Variants in APCDD1L observed in about 807,000 individuals in gnomAD.
APCDD1L encodes the protein protein APCDD1-like.
Under a neutral mutation model 24.2 loss-of-function variants are expected in APCDD1L, and 21 were observed. The observed-to-expected ratio is 0.87, with a 90% confidence interval of 0.61 to 1.25. The LOEUF is 1.25. APCDD1L is among the 50% of genes most tolerant of loss of function. The pLI, the probability that APCDD1L is intolerant of heterozygous loss-of-function variation, is 0.00. For synonymous variants in APCDD1L, 321 were observed against 323.6 expected (o/e 0.99, Z 0.09); for missense variants, 704 against 711.7 (o/e 0.99, Z 0.12).
Position 58,460,997 on chromosome 20 carries a change from G to T in APCDD1L, c.1299C>A (p.Thr433=). 1.2e-6 allele frequency: 2 copies of T among 1,614,130 alleles called. No individual in the cohort carries two copies. Among genetic ancestry groups the T allele is most frequent in the East Asian group, 2.2e-5 (1 of 44,868 alleles). Residue 433 remains threonine (T), a synonymous_variant, in exon 4 of 4, where the codon ACC becomes ACA. Coordinates refer to ENST00000371149, the MANE Select transcript of APCDD1L (RefSeq NM_153360.3). This position sits in a 1 kb window ranked among gnomAD's most constrained non-coding sequence, Gnocchi z 4.2. Reference sequence around the variant, plus strand: ...CTGGGGTATCGGGACTTGAGCCATCGGTGGGCCTTTGTCCGATGAAGAGCA... The same window carrying T: ...CTGGGGTATCGGGACTTGAGCCATCTGTGGGCCTTTGTCCGATGAAGAGCA... ...QSLLFIGQRP[T]DGSSPDTPEK...
At chr20:58,474,550 A>C (rs1989871524) in intron 1 of APCDD1L, among the ~76,000 whole-genome samples, 1 of 152,110 alleles carries the variant, frequency 6.6e-6, no homozygotes, top group Non-Finnish European at 1.5e-5. Flanking sequence ...CTAAAAGTAC[A>C]AAAACTAGCT....
chr20:58,484,393 A>C (rs1481470169), intron 1 of APCDD1L, among the ~76,000 whole-genome samples: 1 of 152,346 alleles, frequency 6.6e-6, no homozygotes, highest in South Asian at 2.1e-4. Flanking sequence ...GTCCCCTCTG[A>C]ACTTCCATCT....
intron 1 of APCDD1L, among the ~76,000 whole-genome samples, chr20:58,509,316 T>A (rs1249394426): frequency 6.6e-6 from 1 of 152,126 alleles, no homozygotes; most frequent in Non-Finnish European, 1.5e-5. Flanking sequence ...CCTTCTCGTT[T>A]CCCTGATGAT....
intron 1 of APCDD1L, among the ~76,000 whole-genome samples, chr20:58,505,223 A>AATTATT (rs1287978744): frequency 2.0e-5 from 3 of 151,992 alleles, no homozygotes; most frequent in Admixed American, 6.6e-5. Context: ...GTTTTTTACA[A>AATTATT]ATTATTATTA....
chr20:58,495,783 C>G (rs1990310153), intron 1 of APCDD1L, among the ~76,000 whole-genome samples: 1 of 152,178 alleles, frequency 6.6e-6, no homozygotes, highest in African/African-American at 2.4e-5. Context: ...AACACAGAAC[C>G]AGAAACCTGT....
intron 1 of APCDD1L, among the ~76,000 whole-genome samples, chr20:58,489,797 G>A (rs961998050): frequency 6.6e-6 from 1 of 152,166 alleles, no homozygotes; most frequent in Admixed American, 6.5e-5. Flanking sequence ...AGTATGGACG[G>A]CAGATCTAGG....
chr20:58,498,439 A>G (rs1375510410), intron 1 of APCDD1L, among the ~76,000 whole-genome samples: 4 of 152,252 alleles, frequency 2.6e-5, no homozygotes, highest in Non-Finnish European at 5.9e-5. Context: ...ATTAACAAGG[A>G]TATAATTTCT....
At chr20:58,469,172 C>A (rs921667827) in intron 2 of APCDD1L, among the ~76,000 whole-genome samples, 4 of 152,130 alleles carry the variant, frequency 2.6e-5, no homozygotes, top group African/African-American at 9.7e-5. Context: ...ATTACGTTTT[C>A]TTTAAAAATA....
chr20:58,498,212 A>G (rs1000612368), intron 1 of APCDD1L, among the ~76,000 whole-genome samples: 4 of 152,198 alleles, frequency 2.6e-5, no homozygotes, highest in Admixed American at 6.5e-5. Context: ...TTCCAATTCA[A>G]TAGTGTACAA....
chr20:58,507,161 T>C (rs2123193130), intron 1 of APCDD1L, among the ~76,000 whole-genome samples: 1 of 152,272 alleles, frequency 6.6e-6, no homozygotes, highest in South Asian at 2.1e-4. Context: ...GATCTGATAG[T>C]TTTTAATAAA....
rs1221703174 is a variant in APCDD1L, at chr20:58,459,936, A to G, written c.*854T>C. 1 of 152,648 alleles carries G rather than the reference A, an allele frequency of 6.6e-6. No individual in the cohort carries two copies. The highest frequency in any genetic ancestry group is 1.9e-4 in the East Asian group (1 of 5,188). The allele number at this position is 152,648 out of a possible 1,614,324, so 9.5% of individuals were successfully genotyped here. On this transcript the variant is annotated 3_prime_UTR_variant, in exon 4 of 4. Coordinates refer to ENST00000371149, the MANE Select transcript of APCDD1L (RefSeq NM_153360.3). ...TATTAACTATGTTCAGAAGGCTGGA[A>G]ATGCTGCTCCCCTCCAAAGACCTGC...
chr20:58,487,540 T>C (rs1600862830), intron 1 of APCDD1L, among the ~76,000 whole-genome samples: 1 of 152,334 alleles, frequency 6.6e-6, no homozygotes, highest in Non-Finnish European at 1.5e-5. Flanking sequence ...ATTATCTAAT[T>C]GGATTTCGAA....
intron 1 of APCDD1L, among the ~76,000 whole-genome samples, chr20:58,478,971 G>A (rs1415703542): frequency 2.0e-5 from 3 of 152,068 alleles, no homozygotes; most frequent in Non-Finnish European, 4.4e-5. Flanking sequence ...GGCCTAAGAA[G>A]CGAATGCCAG....
rs1038840337 is a variant in APCDD1L at position 58,497,014 on chromosome 20, T to C, written c.49+17645A>G. Among the ~76,000 whole-genome samples, 1 of 152,196 alleles carries C rather than the reference T, an allele frequency of 6.6e-6. No homozygotes were observed. On this transcript the variant is annotated intron_variant, in intron 1 of 3. Coordinates refer to ENST00000371149, the MANE Select transcript of APCDD1L (RefSeq NM_153360.3). This position sits in a 1 kb window ranked among gnomAD's most constrained non-coding sequence, Gnocchi z 4.3. The stretch of plus-strand genomic sequence containing the variant: ...GTCGCGATGCAAATTTGCATATGTA[T>C]ACTAGAAGGTCTGAACTTGCAGACA...
At chr20:58,507,918 T>C (rs1990551662) in intron 1 of APCDD1L, among the ~76,000 whole-genome samples, 1 of 152,220 alleles carries the variant, frequency 6.6e-6, no homozygotes, top group Non-Finnish European at 1.5e-5. Flanking sequence ...CTCATAATTA[T>C]AGGAATCCAA....
chr20:58,513,784 G>T, intron 1 of APCDD1L: 1 of 800,560 alleles, frequency 1.2e-6, no homozygotes, highest in Non-Finnish European at 1.9e-6. Context: ...AGGAAAGAAA[G>T]TCAAGGCTGA....
Position 58,497,896 on chromosome 20 carries a change from C to A in APCDD1L, c.49+16763G>T, listed in dbSNP as rs1412359644. Among the ~76,000 whole-genome samples, 1 of 152,162 alleles carries A rather than the reference C, an allele frequency of 6.6e-6. No individual in the cohort carries two copies. Among genetic ancestry groups the A allele is most frequent in the Non-Finnish European group, 1.5e-5 (1 of 68,028 alleles). ...AGAGAAGCAGAATTCCCTGTACACA[C>A]ACCTCAATCATTTCTCTCCCTTCTC... On this transcript the variant is annotated intron_variant, in intron 1 of 3. Transcript: ENST00000371149. This position sits in a 1 kb window ranked among gnomAD's most constrained non-coding sequence, Gnocchi z 4.3.
chr20:58,481,056 T>C (rs905112851), intron 1 of APCDD1L, among the ~76,000 whole-genome samples: 5 of 152,270 alleles, frequency 3.3e-5, no homozygotes, highest in Admixed American at 3.3e-4. Context: ...TGTCCACTGA[T>C]GCCAACATCC....
At chr20:58,498,732 G>T (rs530863356) in intron 1 of APCDD1L, among the ~76,000 whole-genome samples, 1 of 152,224 alleles carries the variant, frequency 6.6e-6, no homozygotes, top group South Asian at 2.1e-4. Context: ...CCCTGGTTGC[G>T]GGTGCTGAGC....
Sources: allele counts gnomAD v4.1 joint callset (sites outside exome capture counted in the v4.1 genomes callset), GRCh38; gene constraint gnomAD v4.1.1; non-coding constraint Gnocchi (gnomAD v3.1); transcripts MANE v1.5; gene names NCBI Gene and HGNC (gene_info 2026-07-23, HGNC 2026-07-21).